The following PSD3 variants were observed in gnomAD, a reference collection of about 807,000 sequenced individuals.
PSD3 encodes the protein pleckstrin and Sec7 domain containing 3.
A neutral mutation model predicts 105.5 loss-of-function variants in PSD3; 49 were observed. The ratio of observed to expected loss-of-function variants is 0.46; its 90% CI spans 0.37 to 0.59. PSD3 has a LOEUF of 0.59. Among genes scored for constraint, PSD3 ranks in the 20% least tolerant of loss-of-function variants. PSD3 has a pLI of 0.00. For synonymous variants in PSD3, 557 were observed against 457.8 expected, an observed-to-expected ratio of 1.22 and a Z score of -2.77; for missense variants, 1,561 against 1,263.8, an observed-to-expected ratio of 1.24 and a Z score of -3.57.
chr8:18,796,664 G>A (rs1360816680), intron 8 of PSD3, among the ~76,000 whole-genome samples: 5 of 152,190 alleles, frequency 3.3e-5, no homozygotes, highest in Non-Finnish European at 4.4e-5. Context: ...AATCTCCCAA[G>A]AGGGGAGTCA....
At chr8:19,063,886 A>T (rs1828985599) in intron 1 of PSD3, among the ~76,000 whole-genome samples, 1 of 152,226 alleles carries the variant, frequency 6.6e-6, no homozygotes. Context: ...TCAGACCTGT[A>T]ATTCCAGCAC....
In PSD3 at chr8:18,556,113, C is replaced by T. The variant is rs1050983786; in HGVS notation, c.2928+96G>A. ...AATTAGAGCCAGGGGCAAGACACGC[C>T]TCTCTCAGTGACACTGCAAAGAAAG... On this transcript the variant is annotated intron_variant, in intron 15 of 15. Coordinates refer to ENST00000327040, the MANE Select transcript of PSD3 (RefSeq NM_015310.4). 8.9e-5 allele frequency: 126 copies of T among 1,409,562 alleles called. No homozygotes were observed. The African/African-American group carries it at 1.7e-3, about 18-fold the overall frequency. The allele number at this position is 1,409,562 out of a possible 1,614,324, so 87.3% of individuals were successfully genotyped here. A position where few individuals can be genotyped will look rare whatever the true frequency, so the allele number is the denominator to read the frequency against.
In PSD3 at chr8:18,541,134, T is replaced by A. The variant is rs1800127606; in HGVS notation, c.2929-5176A>T. ...ATGTTTTCCTTAGCACTTCTCCCCA[T>A]CTGTCAGCCTTATATTTTACTTGAA... On this transcript the variant is annotated intron_variant, in intron 15 of 15. Coordinates refer to ENST00000327040, the MANE Select transcript of PSD3 (RefSeq NM_015310.4). Among the ~76,000 whole-genome samples, 5 of 147,850 alleles carry A rather than the reference T, an allele frequency of 3.4e-5. No individual in the cohort carries two copies. The South Asian group carries it at 1.1e-3, about 33-fold the overall frequency.
intron 15 of PSD3, among the ~76,000 whole-genome samples, chr8:18,552,766 A>G (rs1406390077): frequency 6.6e-6 from 1 of 152,234 alleles, no homozygotes; most frequent in East Asian, 1.9e-4. Context: ...TCATGCTTAA[A>G]GCCTCTTTTA....
At chr8:19,043,922 T>C (rs1257973607) in intron 1 of PSD3, among the ~76,000 whole-genome samples, 2 of 152,232 alleles carry the variant, frequency 1.3e-5, no homozygotes, top group Non-Finnish European at 2.9e-5. Context: ...CTTTCTGATA[T>C]TTTCTGCAGG....
intron 1 of PSD3, among the ~76,000 whole-genome samples, chr8:18,984,003 T>A (rs1825372803): frequency 1.5e-5 from 2 of 129,644 alleles, no homozygotes; most frequent in African/African-American, 2.9e-5. Context: ...AGACACTATC[T>A]CATTATTTAA....
At chr8:19,066,225 G>A (rs1313021934) in intron 1 of PSD3, among the ~76,000 whole-genome samples, 7 of 152,180 alleles carry the variant, frequency 4.6e-5, no homozygotes, top group Admixed American at 2.0e-4. Context: ...TAGTTAGAAC[G>A]TCATTAAAAT....
chr8:18,621,643 T>C (rs1334773415), intron 11 of PSD3, among the ~76,000 whole-genome samples: 4 of 152,148 alleles, frequency 2.6e-5, no homozygotes. Flanking sequence ...CGCGTTCACA[T>C]GGCTGCCCTC....
intron 9 of PSD3, among the ~76,000 whole-genome samples, chr8:18,726,925 T>C (rs998315777): frequency 6.6e-6 from 1 of 152,146 alleles, no homozygotes; most frequent in Non-Finnish European, 1.5e-5. Flanking sequence ...CGGTGGCTCA[T>C]GCCTGTAATC....
At chr8:18,729,146 A>T (rs147379189) in intron 9 of PSD3, among the ~76,000 whole-genome samples, 1 of 152,218 alleles carries the variant, frequency 6.6e-6, no homozygotes. Flanking sequence ...TTCATCAACT[A>T]TAAGAACCTT....
At chr8:18,713,586 G>A (rs143116199) in intron 9 of PSD3, among the ~76,000 whole-genome samples, 29 of 152,132 alleles carry the variant, frequency 1.9e-4, no homozygotes, top group Non-Finnish European at 1.6e-4. Context: ...GGAAGTGAAC[G>A]ACCTCTTCAA....
At chr8:18,732,468 C>A (rs1803831729) in intron 9 of PSD3, among the ~76,000 whole-genome samples, 2 of 152,248 alleles carry the variant, frequency 1.3e-5, no homozygotes. Flanking sequence ...TCAGTGAGAA[C>A]AGGATGTCTC....
At chr8:18,653,784 A>G (rs1409086583) in intron 10 of PSD3, among the ~76,000 whole-genome samples, 1 of 152,172 alleles carries the variant, frequency 6.6e-6, no homozygotes, top group Non-Finnish European at 1.5e-5. Context: ...AAAAACCTAG[A>G]TTTACAAAAC....
intron 8 of PSD3, among the ~76,000 whole-genome samples, chr8:18,767,818 T>C (rs1807148708): frequency 6.6e-6 from 1 of 151,968 alleles, no homozygotes; most frequent in Non-Finnish European, 1.5e-5. Flanking sequence ...CATACACTAC[T>C]ACTATGCATA....
intron 15 of PSD3, among the ~76,000 whole-genome samples, chr8:18,552,659 A>G (rs539015423): frequency 6.6e-6 from 1 of 152,290 alleles, no homozygotes; most frequent in Non-Finnish European, 1.5e-5. Context: ...GGAACTGAAT[A>G]AAATAGAAAA....
intron 2 of PSD3, among the ~76,000 whole-genome samples, chr8:18,899,968 T>G: frequency 6.6e-6 from 1 of 152,168 alleles, no homozygotes; most frequent in East Asian, 1.9e-4. Flanking sequence ...ATAAATGTCC[T>G]TTGTGGAACT....
chr8:18,783,456 T>C (rs1808834015), intron 8 of PSD3, among the ~76,000 whole-genome samples: 1 of 152,216 alleles, frequency 6.6e-6, no homozygotes, highest in Non-Finnish European at 1.5e-5. Flanking sequence ...CTCTGTTTAA[T>C]TCATCTTTGC....
At chr8:18,927,334 C>T (rs1352029575) in intron 2 of PSD3, among the ~76,000 whole-genome samples, 4 of 152,270 alleles carry the variant, frequency 2.6e-5, no homozygotes, top group South Asian at 4.1e-4. Context: ...CTGCCTCAGC[C>T]TCCCGAGTAG....
chr8:18,902,515 C>A (rs762416947), intron 2 of PSD3, among the ~76,000 whole-genome samples: 10 of 152,132 alleles, frequency 6.6e-5, no homozygotes, highest in Non-Finnish European at 1.0e-4. Flanking sequence ...TCTGTTATTA[C>A]AGAGTTATTA....
Sources: gnomAD v4.1 joint callset for allele counts (sites outside exome capture counted in the v4.1 genomes callset) on GRCh38, gnomAD v4.1.1 for gene constraint, MANE v1.5 for transcripts, NCBI Gene and HGNC (gene_info 2026-07-23, HGNC 2026-07-21) for gene names.